GHR: variants seen among roughly 807,000 people sequenced by gnomAD.
GHR encodes the protein growth hormone receptor.
In GHR, 35 loss-of-function variants were observed where a neutral mutation model predicts 67.1. That is an observed-to-expected ratio of 0.52 (90% CI 0.40 to 0.69). The LOEUF is 0.69. Among genes scored for constraint, GHR ranks in the 30% least tolerant of loss-of-function variants. The pLI is 0.00. For missense variants in GHR, 792 were observed against 764.6 expected (o/e 1.04, Z -0.42); for synonymous variants, 272 against 269.1 (o/e 1.01, Z -0.10).
At chr5:42,564,249 A>G (rs1196705028) in intron 1 of GHR, among the ~76,000 whole-genome samples, 2 of 117,730 alleles carry the variant, frequency 1.7e-5, no homozygotes, top group Non-Finnish European at 3.5e-5. Flanking sequence ...AAAGTGTGAG[A>G]TTTATTTGAA....
At chr5:42,520,630 A>C (rs2112298714) in intron 1 of GHR, among the ~76,000 whole-genome samples, 1 of 152,302 alleles carries the variant, frequency 6.6e-6, no homozygotes, top group African/African-American at 2.4e-5. Flanking sequence ...TGCTTTTACA[A>C]GAATGGGTAC....
At chr5:42,487,379 G>A (rs1232788961) in intron 1 of GHR, among the ~76,000 whole-genome samples, 1 of 152,116 alleles carries the variant, frequency 6.6e-6, no homozygotes, top group East Asian at 1.9e-4. Context: ...TTTAACGTAA[G>A]CGTTGGCAAA....
intron 3 of GHR, among the ~76,000 whole-genome samples, chr5:42,677,272 A>T (rs1403174592): frequency 6.6e-6 from 1 of 152,134 alleles, no homozygotes; most frequent in Non-Finnish European, 1.5e-5. Flanking sequence ...CTATGACTTC[A>T]GAGTGCCCAG....
intron 2 of GHR, among the ~76,000 whole-genome samples, chr5:42,589,176 T>C (rs985147572): frequency 1.3e-5 from 2 of 152,224 alleles, no homozygotes; most frequent in Non-Finnish European, 2.9e-5. Context: ...GGTATAGTTT[T>C]AAAAATTCAC....
chr5:42,617,439 G>C (rs1753218754), intron 2 of GHR, among the ~76,000 whole-genome samples: 1 of 150,784 alleles, frequency 6.6e-6, no homozygotes, highest in South Asian at 2.1e-4. Flanking sequence ...ATTTGCTGCA[G>C]ATCCTAAACT....
At chr5:42,688,269 G>C (rs1228844688) in intron 3 of GHR, among the ~76,000 whole-genome samples, 2 of 152,176 alleles carry the variant, frequency 1.3e-5, no homozygotes, top group Non-Finnish European at 2.9e-5. Flanking sequence ...ACCCTGCCGG[G>C]CAGACTCAGG....
At chr5:42,428,352 T>G (rs1742942770) in intron 1 of GHR, among the ~76,000 whole-genome samples, 1 of 152,184 alleles carries the variant, frequency 6.6e-6, no homozygotes, top group South Asian at 2.1e-4. Context: ...GTACCTAGGC[T>G]GCACCTAGCA....
At chr5:42,520,490 C>G (rs576900263) in intron 1 of GHR, among the ~76,000 whole-genome samples, 19 of 152,284 alleles carry the variant, frequency 1.2e-4, no homozygotes, top group African/African-American at 4.3e-4. Flanking sequence ...CATTCATTCT[C>G]TCTGTGCTTT....
At position 42,565,872 on chromosome 5, in the gene GHR, G is replaced by C. The variant is rs1749897559; in HGVS notation, c.-3G>C. ...CCTTTTTGTGATTGCAGGTCCTACAGGTATGGATCTCTGGCAGCTGCTGTT... is the reference window on the plus strand; with the variant it reads ...CCTTTTTGTGATTGCAGGTCCTACACGTATGGATCTCTGGCAGCTGCTGTT... On this transcript the variant is annotated 5_prime_UTR_variant, in exon 2 of 10. Coordinates refer to ENST00000230882, the MANE Select transcript of GHR (RefSeq NM_000163.5). 6.2e-7 allele frequency: 1 copy of C among 1,613,856 alleles called. No homozygotes were observed. The highest frequency in any genetic ancestry group is 1.1e-5 in the South Asian group (1 of 91,082).
At chr5:42,434,716 A>C (rs572905454) in intron 1 of GHR, among the ~76,000 whole-genome samples, 2 of 152,322 alleles carry the variant, frequency 1.3e-5, no homozygotes, top group South Asian at 2.1e-4. Flanking sequence ...TATGTTAACT[A>C]TCTGAATGGG....
intron 3 of GHR, among the ~76,000 whole-genome samples, chr5:42,664,812 A>C (rs1275092182): frequency 6.6e-6 from 1 of 152,226 alleles, no homozygotes; most frequent in African/African-American, 2.4e-5. Context: ...CAGGCAGCCT[A>C]CAAAATGGGA....
chr5:42,677,509 T>C (rs1033109502), intron 3 of GHR, among the ~76,000 whole-genome samples: 1 of 152,162 alleles, frequency 6.6e-6, no homozygotes, highest in East Asian at 1.9e-4. Context: ...CCTAGTTATC[T>C]AGAACTCAGG....
chr5:42,579,331 A>G lies in GHR; in HGVS notation c.70+13387A>G, dbSNP rs75102727. Reference sequence around the variant, plus strand: ...ATTCTACATTAAATACTCATTACCAAGGAAATTCCACATAAAAGCTGTCAT... The same window carrying G: ...ATTCTACATTAAATACTCATTACCAGGGAAATTCCACATAAAAGCTGTCAT... On this transcript the variant is annotated intron_variant, in intron 2 of 9. Transcript: ENST00000230882. Among the ~76,000 whole-genome samples the G allele has an allele frequency of 2.2e-4, 34 of 152,340 alleles. 1 individual carries two copies. In the East Asian group the frequency reaches 4.8e-3, roughly 22 times the overall value.
intron 2 of GHR, among the ~76,000 whole-genome samples, chr5:42,592,960 T>C (rs1477418490): frequency 1.3e-5 from 2 of 152,220 alleles, no homozygotes; most frequent in East Asian, 3.8e-4. Context: ...TGGTATTCAT[T>C]GTGGTTTTGA....
At position 42,713,531 on chromosome 5, in the gene GHR, G is replaced by A. The variant is rs747387670; in HGVS notation, c.875+12G>A. Reference sequence around the variant, plus strand: ...TCTAAACAGCAAAGGTAGGTGTGGAGTAGTATTCTTTGGTATTTTGTACCA... The same window carrying A: ...TCTAAACAGCAAAGGTAGGTGTGGAATAGTATTCTTTGGTATTTTGTACCA... On this transcript the variant is annotated intron_variant, in intron 8 of 9. Transcript: ENST00000230882. The A allele has an allele frequency of 9.1e-7, 1 of 1,096,278 alleles. No individual in the cohort carries two copies. Among genetic ancestry groups the A allele is most frequent in the Non-Finnish European group, 1.4e-6 (1 of 715,228 alleles). 67.9% of individuals were successfully genotyped at this position (1,096,278 alleles called of 1,614,324 possible).
intron 1 of GHR, among the ~76,000 whole-genome samples, chr5:42,484,125 G>A (rs781519811): frequency 6.6e-6 from 1 of 152,188 alleles, no homozygotes; most frequent in Non-Finnish European, 1.5e-5. Flanking sequence ...TTTGCCTTGA[G>A]GAAATTGTTT....
intron 3 of GHR, among the ~76,000 whole-genome samples, chr5:42,670,450 A>G (rs1027912128): frequency 6.6e-6 from 1 of 152,220 alleles, no homozygotes; most frequent in African/African-American, 2.4e-5. Context: ...TCTACATGAT[A>G]TTAATCTAGG....
At chr5:42,470,936 T>G (rs1744986158) in intron 1 of GHR, among the ~76,000 whole-genome samples, 1 of 152,206 alleles carries the variant, frequency 6.6e-6, no homozygotes, top group Non-Finnish European at 1.5e-5. Context: ...ATAGCTTTTG[T>G]GATCTGGCTG....
chr5:42,517,980 C>T (rs934545981), intron 1 of GHR, among the ~76,000 whole-genome samples: 35 of 151,824 alleles, frequency 2.3e-4, no homozygotes, highest in South Asian at 4.2e-4. Context: ...CACAACTAAG[C>T]GGCTCAGTTC....
Sources: gnomAD v4.1 joint callset for allele counts (sites outside exome capture counted in the v4.1 genomes callset) on GRCh38, gnomAD v4.1.1 for gene constraint, MANE v1.5 for transcripts, NCBI Gene and HGNC (gene_info 2026-07-23, HGNC 2026-07-21) for gene names.